The following DDX10 variants were observed in gnomAD, a reference collection of about 807,000 sequenced individuals.
DDX10 encodes the protein probable ATP-dependent RNA helicase DDX10.
In DDX10, 74 loss-of-function variants were observed where a neutral mutation model predicts 104.3. The ratio of observed to expected loss-of-function variants is 0.71; its 90% CI spans 0.59 to 0.86. DDX10 has a LOEUF of 0.86. DDX10 is among the 40% of genes least tolerant of loss of function. DDX10 has a pLI of 0.00. For synonymous variants in DDX10, 351 were observed against 353.4 expected (o/e 0.99, Z 0.08); for missense variants, 952 against 1,040.0 (o/e 0.92, Z 1.16).
intron 17 of DDX10, among the ~76,000 whole-genome samples, chr11:108,927,993 G>A (rs1863929911): frequency 6.6e-6 from 1 of 152,140 alleles, no homozygotes; most frequent in South Asian, 2.1e-4. Flanking sequence ...TCGCAGCCCA[G>A]GAAGTGTGGT....
intron 16 of DDX10, among the ~76,000 whole-genome samples, chr11:108,897,129 GACTTAACCAAGGAAGC>G (rs1396576924): frequency 6.6e-6 from 1 of 152,056 alleles, no homozygotes; most frequent in Non-Finnish European, 1.5e-5. Flanking sequence ...AACCTTTTAT[GACTTAACCAAGGAAGC>G]ACAAATTATC....
At chr11:108,807,894 A>G (rs1006570274) in intron 13 of DDX10, among the ~76,000 whole-genome samples, 1 of 152,186 alleles carries the variant, frequency 6.6e-6, no homozygotes, top group Non-Finnish European at 1.5e-5. Flanking sequence ...AGGAAAAGAG[A>G]TGGATCCATA....
chr11:108,907,991 C>A (rs986624299), intron 16 of DDX10, among the ~76,000 whole-genome samples: 1 of 152,200 alleles, frequency 6.6e-6, no homozygotes, highest in African/African-American at 2.4e-5. Flanking sequence ...TTTCTCAGCA[C>A]TGTCAGTTGC....
chr11:108,917,792 T>TC, intron 16 of DDX10, 81 bp from the exon 17 acceptor site: 1 of 1,373,246 alleles, frequency 7.3e-7, no homozygotes, highest in Admixed American at 1.9e-5. Flanking sequence ...TAGAGGGATA[T>TC]CCATTGGGGT....
intron 16 of DDX10, among the ~76,000 whole-genome samples, chr11:108,872,820 T>TTTCC (rs1565305030): frequency 2.8e-5 from 4 of 145,112 alleles, no homozygotes; most frequent in South Asian, 2.3e-4. Flanking sequence ...TAATTTCCGT[T>TTTCC]CCCCCCCCCT....
At chr11:108,808,962 A>G (rs762035527) in intron 13 of DDX10, among the ~76,000 whole-genome samples, 2 of 152,172 alleles carry the variant, frequency 1.3e-5, no homozygotes, top group East Asian at 1.9e-4. Context: ...ATTGATGTCT[A>G]TATTGAAAAG....
chr11:108,751,810 C>T (rs1320249955), intron 13 of DDX10, among the ~76,000 whole-genome samples: 1 of 152,232 alleles, frequency 6.6e-6, no homozygotes, highest in Non-Finnish European at 1.5e-5. Flanking sequence ...CAGTTTAAGT[C>T]GACTGTATAA....
intron 16 of DDX10, among the ~76,000 whole-genome samples, chr11:108,894,840 AT>A (rs1863420195): frequency 6.6e-6 from 1 of 151,938 alleles, no homozygotes; most frequent in African/African-American, 2.4e-5. Flanking sequence ...ACTCATTCTC[AT>A]TTTTGAAGAG....
intron 13 of DDX10, among the ~76,000 whole-genome samples, chr11:108,777,583 G>A (rs1351406920): frequency 6.6e-6 from 1 of 152,088 alleles, no homozygotes; most frequent in Non-Finnish European, 1.5e-5. Flanking sequence ...TCAGCCTCCT[G>A]AAGTGCTGGG....
At chr11:108,796,063 A>G (rs1477469404) in intron 13 of DDX10, among the ~76,000 whole-genome samples, 3 of 152,212 alleles carry the variant, frequency 2.0e-5, no homozygotes, top group Non-Finnish European at 4.4e-5. Context: ...AAATTTGTTC[A>G]TTCCATCTAA....
intron 13 of DDX10, among the ~76,000 whole-genome samples, chr11:108,806,703 T>A (rs1862106072): frequency 6.6e-6 from 1 of 152,068 alleles, no homozygotes; most frequent in African/African-American, 2.4e-5. Context: ...GCGCGTTGGA[T>A]CTGAGGCCTG....
At chr11:108,915,952 A>AGT (rs1172838988) in intron 16 of DDX10, among the ~76,000 whole-genome samples, 1 of 144,706 alleles carries the variant, frequency 6.9e-6, no homozygotes, top group East Asian at 2.0e-4. Flanking sequence ...AAAAATGTAA[A>AGT]AAAAAAAAAA....
At chr11:108,800,576 G>T (rs1238044281) in intron 13 of DDX10, among the ~76,000 whole-genome samples, 2 of 151,910 alleles carry the variant, frequency 1.3e-5, no homozygotes, top group Non-Finnish European at 2.9e-5. Flanking sequence ...TAGAGTTAAA[G>T]CTCCTAATGA....
At chr11:108,848,328 A>G (rs1399712557) in intron 15 of DDX10, among the ~76,000 whole-genome samples, 2 of 152,170 alleles carry the variant, frequency 1.3e-5, no homozygotes, top group East Asian at 1.9e-4. Context: ...TCTGGCTCAC[A>G]TGGTCCTTAA....
At chr11:108,669,862 C>T (rs910648019) in intron 1 of DDX10, among the ~76,000 whole-genome samples, 3 of 152,126 alleles carry the variant, frequency 2.0e-5, no homozygotes, top group East Asian at 1.9e-4. Flanking sequence ...AGGGTCACCA[C>T]CTAGGAATGT....
chr11:108,742,530 A>T (rs966187208), intron 13 of DDX10, among the ~76,000 whole-genome samples: 1 of 152,210 alleles, frequency 6.6e-6, no homozygotes, highest in Non-Finnish European at 1.5e-5. Flanking sequence ...GCGCCATTGC[A>T]TGCCAGCCTG....
At chr11:108,680,030 A>T (rs2094232476) in intron 6 of DDX10, among the ~76,000 whole-genome samples, 1 of 152,220 alleles carries the variant, frequency 6.6e-6, no homozygotes, top group Non-Finnish European at 1.5e-5. Flanking sequence ...TAGCAGGATT[A>T]TGCAGTACTA....
At chr11:108,735,380 C>G (rs1183924104) in intron 13 of DDX10, among the ~76,000 whole-genome samples, 1 of 151,830 alleles carries the variant, frequency 6.6e-6, no homozygotes, top group Non-Finnish European at 1.5e-5. Flanking sequence ...GTGGGATGGA[C>G]AAAAAATGAA....
intron 15 of DDX10, among the ~76,000 whole-genome samples, chr11:108,846,990 TGTC>T (rs1415130094): frequency 1.3e-5 from 2 of 152,226 alleles, no homozygotes; most frequent in Non-Finnish European, 2.9e-5. Flanking sequence ...CTTCATGAGT[TGTC>T]GTTGTAGCCT....
Sources: gnomAD v4.1 joint callset for allele counts (sites outside exome capture counted in the v4.1 genomes callset) on GRCh38, gnomAD v4.1.1 for gene constraint, MANE v1.5 for transcripts, NCBI Gene and HGNC (gene_info 2026-07-23, HGNC 2026-07-21) for gene names.